The following GATA4 variants were observed in gnomAD, a reference collection of about 807,000 sequenced individuals.
The protein encoded by GATA4 is GATA binding protein 4.
In GATA4, 7 loss-of-function variants were observed where a neutral mutation model predicts 37.9. That is an observed-to-expected ratio of 0.18 (90% CI 0.11 to 0.35). The LOEUF (loss-of-function observed/expected upper bound fraction) is 0.35, where lower values mean the gene tolerates loss of function less well. Ranked by LOEUF, GATA4 falls within the 10% of genes least tolerant of loss-of-function variation. The pLI, the probability that GATA4 is intolerant of heterozygous loss-of-function variation, is 1.00. For synonymous variants in GATA4, 372 were observed against 292.6 expected (o/e 1.27, Z -2.77); for missense variants, 647 against 653.0 (o/e 0.99, Z 0.10).
intron 2 of GATA4, among the ~76,000 whole-genome samples, chr8:11,740,415 A>G (rs1801673296): frequency 6.6e-6 from 1 of 152,198 alleles, no homozygotes; most frequent in African/African-American, 2.4e-5. Flanking sequence ...CAGGGCTCCC[A>G]TATTAATCCG....
At chr8:11,681,526 CG>C (rs542645655) in intron 1 of GATA4, 7 of 914,568 alleles carry the variant, frequency 7.7e-6, no homozygotes, top group Non-Finnish European at 9.1e-6. Flanking sequence ...CGGTCCCTCT[CG>C]GGAACGGCTG....
chr8:11,725,608 A>T (rs1375384816), intron 2 of GATA4, among the ~76,000 whole-genome samples: 2 of 152,204 alleles, frequency 1.3e-5, no homozygotes, highest in East Asian at 3.9e-4. Flanking sequence ...TCTTGGTCTT[A>T]GTGGGGATGG....
rs114944893 is a variant in GATA4, at chr8:11,758,438, T to G, written c.1295T>G (p.Val432Gly). ...SSKQDSWNSLVLADSHGDIIT... is the reference protein window; with the variant it reads ...SSKQDSWNSLGLADSHGDIIT... Reference sequence around the variant, plus strand: ...AAGCAGGACTCTTGGAACAGCCTGGTCTTGGCCGACAGTCACGGGGACATA... The same window carrying G: ...AAGCAGGACTCTTGGAACAGCCTGGGCTTGGCCGACAGTCACGGGGACATA... Residue 432 changes from valine to glycine, a missense_variant, in exon 7 of 7, where the codon GTC (valine) becomes GGC (glycine). Val to Gly is a moderately radical substitution (Grantham distance 109). Transcript: ENST00000532059. 5.0e-5 allele frequency: 80 copies of G among 1,614,186 alleles called. 1 individual carries two copies. The East Asian group carries it at 1.8e-3, about 36-fold the overall frequency.
chr8:11,717,204 A>G (rs931389272), intron 2 of GATA4, among the ~76,000 whole-genome samples: 5 of 152,258 alleles, frequency 3.3e-5, no homozygotes, highest in Non-Finnish European at 7.3e-5. Context: ...TAAAGAAGGC[A>G]GGGAAGAAAA....
intron 5 of GATA4, among the ~76,000 whole-genome samples, chr8:11,755,494 TG>T (rs1334443146): frequency 6.6e-6 from 1 of 152,210 alleles, no homozygotes; most frequent in Non-Finnish European, 1.5e-5. Flanking sequence ...CAATTCTCTT[TG>T]GGCTAACGGG....
intron 2 of GATA4, among the ~76,000 whole-genome samples, chr8:11,740,315 C>A (rs1801668236): frequency 6.6e-6 from 1 of 152,218 alleles, no homozygotes; most frequent in Admixed American, 6.5e-5. Context: ...CAGAGGGTGG[C>A]CACACACCCT....
At chr8:11,693,012 C>T (rs1197096450) in intron 1 of GATA4, 3 of 985,264 alleles carry the variant, frequency 3.0e-6, no homozygotes, top group Admixed American at 6.1e-5. Flanking sequence ...CGGCCGCGCA[C>T]CGAGGCTTCT....
chr8:11,727,628 A>T (rs1419928629), intron 2 of GATA4, among the ~76,000 whole-genome samples: 2 of 152,014 alleles, frequency 1.3e-5, no homozygotes, highest in Non-Finnish European at 2.9e-5. Context: ...AGATCGCTTG[A>T]GCTCAGGAGT....
At chr8:11,755,900 C>A (rs1310117063) in intron 5 of GATA4, among the ~76,000 whole-genome samples, 1 of 135,062 alleles carries the variant, frequency 7.4e-6, no homozygotes, top group East Asian at 2.2e-4. Context: ...CAGAGCAAGA[C>A]CCTGTCTTTA....
At chr8:11,684,863 G>A (rs4840576) in intron 1 of GATA4, among the ~76,000 whole-genome samples, 110,234 of 152,168 alleles carry the variant, frequency 0.72, 45,642 homozygotes, top group Non-Finnish European at 0.9. Flanking sequence ...TGATAAATAT[G>A]TTTTTTATTT....
chr8:11,737,081 AG>A (rs1184919613), intron 2 of GATA4, among the ~76,000 whole-genome samples: 1 of 152,092 alleles, frequency 6.6e-6, no homozygotes, highest in Admixed American at 6.5e-5. Context: ...GTGGATTAGC[AG>A]GAGAAGAAGA....
At chr8:11,704,928 C>T (rs1799825878) in intron 1 of GATA4, among the ~76,000 whole-genome samples, 1 of 152,244 alleles carries the variant, frequency 6.6e-6, no homozygotes, top group Non-Finnish European at 1.5e-5. Context: ...CCCCACCTGC[C>T]CGCGCTGCTT....
In GATA4 at chr8:11,709,528, T is replaced by A. The variant is rs536601863; in HGVS notation, c.616+600T>A. On this transcript the variant is annotated intron_variant, in intron 2 of 6. Coordinates refer to ENST00000532059, the MANE Select transcript of GATA4 (RefSeq NM_001308093.3). This position sits in a 1 kb window ranked among gnomAD's most constrained non-coding sequence, Gnocchi z 4.3. ...AGATGCGCGGAACAGGAGCCGGCAC[T>A]GTGCGGGTGCCACCCGGCCGAGCGC... 1.5e-5 allele frequency among the ~76,000 whole-genome samples: 2 copies of A among 133,146 alleles called. No homozygotes were observed. The highest frequency in any genetic ancestry group is 3.1e-5 in the Non-Finnish European group (2 of 63,862). 87.3% of individuals were successfully genotyped at this position (133,146 alleles called of 152,430 possible). A position where few individuals can be genotyped will look rare whatever the true frequency, so the allele number is the denominator to read the frequency against.
At chr8:11,693,419 C>CT (rs1427694434) in intron 1 of GATA4, among the ~76,000 whole-genome samples, 1 of 151,864 alleles carries the variant, frequency 6.6e-6, no homozygotes, top group African/African-American at 2.4e-5. Context: ...GATCGCACCA[C>CT]TGCAGTCCAG....
At chr8:11,677,282 C>T (rs1243278850) in intron 1 of GATA4, among the ~76,000 whole-genome samples, 1 of 152,218 alleles carries the variant, frequency 6.6e-6, no homozygotes, top group Non-Finnish European at 1.5e-5. Flanking sequence ...GGATGAGGCT[C>T]TGTGAAGGCC....
chr8:11,702,631 C>T (rs1467315884), upstream of GATA4, among the ~76,000 whole-genome samples: 1 of 150,636 alleles, frequency 6.6e-6, no homozygotes, highest in Non-Finnish European at 1.5e-5. This position sits in a 1 kb window ranked among gnomAD's most constrained non-coding sequence, Gnocchi z 4.4. Context: ...TAAGTTCCCA[C>T]GTTTCGGGTC....
In GATA4 at chr8:11,709,649, G is replaced by A. The variant is rs1021265825; in HGVS notation, c.616+721G>A. Among the ~76,000 whole-genome samples the A allele has an allele frequency of 2.0e-5, 3 of 151,416 alleles. No individual in the cohort carries two copies. The highest frequency in any genetic ancestry group is 2.0e-4 in the Admixed American group (3 of 15,194). On this transcript the variant is annotated intron_variant, in intron 2 of 6. Coordinates refer to ENST00000532059, the MANE Select transcript of GATA4 (RefSeq NM_001308093.3). The surrounding 1 kb of genome is among the most constrained non-coding windows in gnomAD (Gnocchi z 4.3). ...TCAAACGCGCTTGTTCATGACACCCGAGTTAAATGGAGACTTTGCAGTCGC... is the reference window on the plus strand; with the variant it reads ...TCAAACGCGCTTGTTCATGACACCCAAGTTAAATGGAGACTTTGCAGTCGC...
intron 1 of GATA4, among the ~76,000 whole-genome samples, chr8:11,683,883 G>A (rs1007463387): frequency 6.6e-6 from 1 of 152,178 alleles, no homozygotes; most frequent in East Asian, 1.9e-4. Context: ...CTCCCGGGTG[G>A]GCTTCCCATT....
At chr8:11,701,244 G>GAAAA (rs56051265), upstream of GATA4, among the ~76,000 whole-genome samples, 200 of 126,374 alleles carry the variant, frequency 1.6e-3, 4 homozygotes, top group Middle Eastern at 0.022. Context: ...CAGGTTCTTA[G>GAAAA]AAAAAAAAAA....
Sources: allele counts gnomAD v4.1 joint callset (sites outside exome capture counted in the v4.1 genomes callset), GRCh38; gene constraint gnomAD v4.1.1; non-coding constraint Gnocchi (gnomAD v3.1); transcripts MANE v1.5; gene names NCBI Gene and HGNC (gene_info 2026-07-23, HGNC 2026-07-21).